Variants in ELP3 observed in about 807,000 individuals in gnomAD.
ELP3 encodes elongator acetyltransferase complex subunit 3.
A neutral mutation model predicts 74.9 loss-of-function variants in ELP3; 56 were observed. That is an observed-to-expected ratio of 0.75 (90% CI 0.60 to 0.93). ELP3 has a LOEUF of 0.93. Among genes scored for constraint, ELP3 ranks in the 40% least tolerant of loss-of-function variants. The probability of loss-of-function intolerance (pLI) is 0.00; values close to 1 mark genes in which losing one functional copy is unlikely to be tolerated. For synonymous variants in ELP3, 222 were observed against 239.8 expected (o/e 0.93, Z 0.68); for missense variants, 573 against 686.5 (o/e 0.83, Z 1.85).
At chr8:28,106,664 T>C in intron 3 of ELP3, 49 bp from the exon 4 acceptor site, 1 of 1,524,352 alleles carries the variant, frequency 6.6e-7, no homozygotes, top group African/African-American at 1.4e-5. Flanking sequence ...CTGTGGAGTT[T>C]TATATTAATT....
rs140618871 is a variant in ELP3, at chr8:28,097,647, C to T, written c.119+329C>T. On this transcript the variant is annotated intron_variant, in intron 2 of 14. Coordinates refer to ENST00000256398, the MANE Select transcript of ELP3 (RefSeq NM_018091.6). ...TCCTGACCTCGTGATCTGCCCACCTCGGCCTCCCAAAGTGCTGGGATTACA... is the reference window on the plus strand; with the variant it reads ...TCCTGACCTCGTGATCTGCCCACCTTGGCCTCCCAAAGTGCTGGGATTACA... Among the ~76,000 whole-genome samples the T allele has an allele frequency of 7.2e-5, 11 of 152,236 alleles. No individual in the cohort carries two copies. In the South Asian group the frequency reaches 1.2e-3, roughly 17 times the overall value.
intron 1 of ELP3, among the ~76,000 whole-genome samples, chr8:28,094,636 T>TGAGGCA (rs1297841817): frequency 2.0e-5 from 3 of 151,604 alleles, no homozygotes; most frequent in East Asian, 3.9e-4. Flanking sequence ...AGGCTGAGGC[T>TGAGGCA]GAGGCAGAGG....
intron 7 of ELP3, among the ~76,000 whole-genome samples, chr8:28,114,738 C>T (rs2130404605): frequency 6.6e-6 from 1 of 152,258 alleles, no homozygotes; most frequent in African/African-American, 2.4e-5. Context: ...AGAGAAAGAA[C>T]GTCATGAGAC....
chr8:28,099,762 T>A, intron 2 of ELP3, 66 bp from the exon 3 acceptor site: 1 of 1,571,912 alleles, frequency 6.4e-7, no homozygotes, highest in Admixed American at 1.7e-5. Flanking sequence ...TGTTTATAGA[T>A]CATCCTCTTG....
intron 14 of ELP3, among the ~76,000 whole-genome samples, chr8:28,186,491 C>T (rs1347059290): frequency 6.6e-6 from 1 of 152,168 alleles, no homozygotes; most frequent in Non-Finnish European, 1.5e-5. Context: ...TGCCCCCGTC[C>T]GAAATTACCT....
chr8:28,161,290 G>T (rs1489625775), intron 13 of ELP3, among the ~76,000 whole-genome samples: 6 of 152,128 alleles, frequency 3.9e-5, no homozygotes, highest in Admixed American at 6.5e-5. Context: ...AAGTAGAGAG[G>T]TGGCCGGGAG....
intron 9 of ELP3, among the ~76,000 whole-genome samples, chr8:28,135,644 C>CTAAG (rs1294186541): frequency 6.6e-6 from 1 of 152,188 alleles, no homozygotes; most frequent in African/African-American, 2.4e-5. Flanking sequence ...TCGGGAAAGG[C>CTAAG]TAAGGGTTAA....
At chr8:28,101,227 A>G (rs538681003) in intron 3 of ELP3, among the ~76,000 whole-genome samples, 24 of 152,128 alleles carry the variant, frequency 1.6e-4, no homozygotes, top group African/African-American at 4.3e-4. Context: ...ATCCTGGCTA[A>G]CACGACGAAA....
At chr8:28,109,268 G>A (rs1001762715) in intron 5 of ELP3, among the ~76,000 whole-genome samples, 16 of 152,180 alleles carry the variant, frequency 1.1e-4, no homozygotes, top group Non-Finnish European at 2.2e-4. Context: ...TGCTTTTGAA[G>A]GAGTCACCCT....
At chr8:28,120,870 C>A (rs1230201173) in intron 7 of ELP3, among the ~76,000 whole-genome samples, 3 of 152,296 alleles carry the variant, frequency 2.0e-5, no homozygotes, top group African/African-American at 7.2e-5. Flanking sequence ...GGGCTGGGCT[C>A]TTTTCTGTTT....
At chr8:28,109,494 A>T (rs1811829661) in intron 5 of ELP3, among the ~76,000 whole-genome samples, 1 of 152,116 alleles carries the variant, frequency 6.6e-6, no homozygotes, top group African/African-American at 2.4e-5. Context: ...CTTCAGGGAT[A>T]TTTTAGGGAA....
At chr8:28,166,165 T>C (rs1814298539) in intron 14 of ELP3, among the ~76,000 whole-genome samples, 1 of 152,162 alleles carries the variant, frequency 6.6e-6, no homozygotes, top group Admixed American at 6.5e-5. Flanking sequence ...AGAAGATGTG[T>C]GAAATGTCAC....
chr8:28,104,010 T>A (rs1294552653), intron 3 of ELP3, among the ~76,000 whole-genome samples: 1 of 152,216 alleles, frequency 6.6e-6, no homozygotes, highest in East Asian at 1.9e-4. Flanking sequence ...ATTATAGGCG[T>A]GAGCTATGGT....
At chr8:28,140,989 A>G (rs766648333) in intron 10 of ELP3, among the ~76,000 whole-genome samples, 7 of 152,216 alleles carry the variant, frequency 4.6e-5, no homozygotes, top group Non-Finnish European at 7.3e-5. Context: ...CCTCACGGGA[A>G]CCTAACCTTG....
chr8:28,135,438 G>T (rs1388316597), intron 9 of ELP3, among the ~76,000 whole-genome samples: 1 of 152,150 alleles, frequency 6.6e-6, no homozygotes, highest in Non-Finnish European at 1.5e-5. Context: ...TCCTGCTTTG[G>T]GCTGAGTGGC....
chr8:28,149,011 C>T (rs1336125848), intron 10 of ELP3, among the ~76,000 whole-genome samples: 2 of 152,200 alleles, frequency 1.3e-5, no homozygotes, highest in African/African-American at 4.8e-5. Context: ...AGAGAACTGC[C>T]TCATTCCTTC....
intron 7 of ELP3, among the ~76,000 whole-genome samples, chr8:28,120,486 C>T (rs1812324955): frequency 6.6e-6 from 1 of 152,088 alleles, no homozygotes; most frequent in African/African-American, 2.4e-5. Context: ...ACATGAAAAC[C>T]CAGTCTGTAG....
chr8:28,160,426 C>A lies in ELP3; in HGVS notation c.1455C>A (p.Ser485Arg). ...TGTATGGGAGTGTGGTCCCTGTGAGCAGCCGGGATCCTACTAAATTTCAGC... is the reference window on the plus strand; with the variant it reads ...TGTATGGGAGTGTGGTCCCTGTGAGAAGCCGGGATCCTACTAAATTTCAGC... ...LHVYGSVVPVSSRDPTKFQHQ... is the reference protein window; with the variant it reads ...LHVYGSVVPVRSRDPTKFQHQ... The change falls in exon 13 of 15, where the codon AGC becomes AGA. Residue 485 changes from serine to arginine, a missense_variant. Physicochemically the swap from Ser to Arg is moderately radical, Grantham distance 110. Transcript: ENST00000256398. 1 of 1,613,948 alleles carries A rather than the reference C, an allele frequency of 6.2e-7. No homozygotes were observed. The highest frequency in any genetic ancestry group is 8.5e-7 in the Non-Finnish European group (1 of 1,179,942).
intron 14 of ELP3, among the ~76,000 whole-genome samples, chr8:28,162,313 T>A (rs1814132040): frequency 2.0e-5 from 3 of 152,188 alleles, no homozygotes; most frequent in Admixed American, 2.0e-4. Flanking sequence ...TCTTCTGCAC[T>A]CTCTGTCACA....
Sources: gnomAD v4.1 joint callset for allele counts (sites outside exome capture counted in the v4.1 genomes callset) on GRCh38, gnomAD v4.1.1 for gene constraint, MANE v1.5 for transcripts, NCBI Gene and HGNC (gene_info 2026-07-23, HGNC 2026-07-21) for gene names.